The following COPS3 variants were observed in gnomAD, a reference collection of about 807,000 sequenced individuals.
COPS3 encodes COP9 signalosome complex subunit 3.
A neutral mutation model predicts 58.2 loss-of-function variants in COPS3; 10 were observed. That is an observed-to-expected ratio of 0.17 (90% CI 0.11 to 0.29). COPS3 has a LOEUF of 0.29. COPS3 is among the 10% of genes least tolerant of loss of function. COPS3 has a pLI of 1.00. For missense variants in COPS3, 333 were observed against 510.1 expected, an observed-to-expected ratio of 0.65 and a Z score of 3.34; for synonymous variants, 187 against 181.7, an observed-to-expected ratio of 1.03 and a Z score of -0.24.
intron 10 of COPS3, among the ~76,000 whole-genome samples, chr17:17,248,658 T>C (rs566451469): frequency 9.2e-5 from 14 of 152,238 alleles, no homozygotes; most frequent in African/African-American, 2.6e-4. Flanking sequence ...TCTTTTGTTG[T>C]TGTTGCTGCT....
intron 9 of COPS3, among the ~76,000 whole-genome samples, chr17:17,253,914 C>T (rs1028127275): frequency 6.6e-6 from 1 of 152,006 alleles, no homozygotes; most frequent in Non-Finnish European, 1.5e-5. Context: ...TTGTTTGAAC[C>T]CTGGAGGTGG....
chr17:17,252,445 C>T (rs1173964857), intron 9 of COPS3, among the ~76,000 whole-genome samples: 3 of 152,102 alleles, frequency 2.0e-5, no homozygotes, highest in African/African-American at 4.8e-5. Context: ...GTACAGATAA[C>T]GCTTTGGTGT....
At chr17:17,262,524 T>C (rs544008085) in intron 6 of COPS3, among the ~76,000 whole-genome samples, 1 of 152,074 alleles carries the variant, frequency 6.6e-6, no homozygotes, top group Admixed American at 6.6e-5. Flanking sequence ...GGTCAGGGGA[T>C]CGAGACCAAC....
At chr17:17,273,876 G>C (rs563332395) in intron 2 of COPS3, among the ~76,000 whole-genome samples, 1 of 152,134 alleles carries the variant, frequency 6.6e-6, no homozygotes, top group Non-Finnish European at 1.5e-5. Flanking sequence ...AGTTAGCTGA[G>C]TGTGGTGGCA....
intron 2 of COPS3, among the ~76,000 whole-genome samples, 180 bp from the exon 3 acceptor site, chr17:17,271,188 G>A (rs1597695407): frequency 6.6e-6 from 1 of 152,144 alleles, no homozygotes; most frequent in Non-Finnish European, 1.5e-5. Flanking sequence ...CAAGCACTTT[G>A]GGAGGCTGAG....
rs572883684 is a variant in COPS3, at chr17:17,248,651, TTTG to T, written c.1137+272_1137+274del. On this transcript the variant is annotated intron_variant, in intron 10 of 11. Coordinates refer to ENST00000268717, the MANE Select transcript of COPS3 (RefSeq NM_003653.4). ...TTTAAGCAGCCCATTCTGGGTTTCT[TTTG>T]TTGTTGTTGCTGCTTTTCTTGAGAC... 2.6e-5 allele frequency among the ~76,000 whole-genome samples: 4 copies of T among 152,204 alleles called. No individual in the cohort carries two copies. The East Asian group carries it at 7.7e-4, about 29-fold the overall frequency.
chr17:17,265,253 C>T (rs2048194554), intron 5 of COPS3, among the ~76,000 whole-genome samples: 1 of 152,172 alleles, frequency 6.6e-6, no homozygotes, highest in South Asian at 2.1e-4. Context: ...CTCCAATGAG[C>T]ACTTTGAGTG....
In COPS3 at chr17:17,254,894, C is replaced by T; in HGVS notation, c.988G>A (p.Gly330Arg). ...ACGTATTTCTCTGCCTCCTGAGGTC[C>T]AGACAACTGCACACGACTTGCCATA... ...QDMASRVQLS[G>R]PQEAEKYVLH... Residue 330 changes from glycine (G) to arginine (R), a missense_variant, in exon 9 of 12, where the codon GGA becomes AGA. Gly to Arg is a moderately radical substitution (Grantham distance 125). Transcript: ENST00000268717. The T allele has an allele frequency of 6.2e-7, 1 of 1,613,300 alleles. No individual in the cohort carries two copies. Among genetic ancestry groups the T allele is most frequent in the South Asian group, 1.1e-5 (1 of 91,052 alleles).
chr17:17,280,676 G>A, intron 1 of COPS3: 1 of 1,305,664 alleles, frequency 7.7e-7, no homozygotes. Flanking sequence ...GAGCCATAGA[G>A]CCAAGACACC....
intron 9 of COPS3, among the ~76,000 whole-genome samples, chr17:17,252,977 C>T (rs1404147236): frequency 6.6e-6 from 1 of 152,156 alleles, no homozygotes; most frequent in East Asian, 1.9e-4. Flanking sequence ...GTAATCCCAG[C>T]ACTTTGGGAG....
chr17:17,276,580 T>A (rs976607092), intron 1 of COPS3, among the ~76,000 whole-genome samples: 1 of 151,948 alleles, frequency 6.6e-6, no homozygotes, highest in Non-Finnish European at 1.5e-5. Flanking sequence ...ATCTTTTTTT[T>A]TTTTTTAAGA....
intron 1 of COPS3, chr17:17,280,734 C>A: frequency 1.6e-6 from 2 of 1,249,240 alleles, no homozygotes; most frequent in South Asian, 1.4e-5. Context: ...AGTCAGCAAG[C>A]TGCGGATCGG....
chr17:17,271,884 TAATA>T (rs925651374), intron 2 of COPS3, among the ~76,000 whole-genome samples: 4 of 128,710 alleles, frequency 3.1e-5, no homozygotes, highest in African/African-American at 5.0e-5. Flanking sequence ...ATATGTTTAA[TAATA>T]TATATTAAAT....
intron 11 of COPS3, 49 bp downstream of exon 11, chr17:17,247,431 C>T (rs989027580): frequency 6.5e-7 from 1 of 1,537,750 alleles, no homozygotes; most frequent in African/African-American, 1.4e-5. Context: ...TGACAACACC[C>T]CTCCTTCTCC....
chr17:17,264,713 G>A, intron 6 of COPS3, 89 bp downstream of exon 6: 1 of 1,102,226 alleles, frequency 9.1e-7, no homozygotes, highest in Non-Finnish European at 1.3e-6. Context: ...GAGGCCCTGG[G>A]ATCAGACCAC....
Position 17,247,047 on chromosome 17 carries a change from C to T in COPS3, c.*51G>A, listed in dbSNP as rs373180936. 3.3e-6 allele frequency: 5 copies of T among 1,534,636 alleles called. No individual in the cohort carries two copies. Among genetic ancestry groups the T allele is most frequent in the Non-Finnish European group, 4.5e-6 (5 of 1,107,736 alleles). ...TCTCTGCTGCCCTCCGAACACTTGT[C>T]ACTGGCCAAGATGGTAGTTTCTCTT... On this transcript the variant is annotated 3_prime_UTR_variant, in exon 12 of 12. Transcript: ENST00000268717.
At chr17:17,252,933 A>C (rs536705119) in intron 9 of COPS3, among the ~76,000 whole-genome samples, 2 of 152,294 alleles carry the variant, frequency 1.3e-5, no homozygotes, top group African/African-American at 4.8e-5. Flanking sequence ...ATCAAAATGA[A>C]ATACTCAGCT....
chr17:17,277,511 G>A (rs187347587), intron 1 of COPS3, among the ~76,000 whole-genome samples: 4 of 152,216 alleles, frequency 2.6e-5, no homozygotes, highest in Admixed American at 2.0e-4. Context: ...TCCATCTCCT[G>A]GGCTCAAGCA....
At chr17:17,267,635 CAAAAAAA>C (rs553294077) in intron 5 of COPS3, among the ~76,000 whole-genome samples, 1 of 107,188 alleles carries the variant, frequency 9.3e-6, no homozygotes, top group South Asian at 2.9e-4. Flanking sequence ...GAGACTGTCT[CAAAAAAA>C]AAAAAAAAAA....
Sources: allele counts gnomAD v4.1 joint callset (sites outside exome capture counted in the v4.1 genomes callset), GRCh38; gene constraint gnomAD v4.1.1; transcripts MANE v1.5; gene names NCBI Gene and HGNC (gene_info 2026-07-23, HGNC 2026-07-21).